MYO1B: variants seen among roughly 807,000 people sequenced by gnomAD.
MYO1B encodes myosin IB, also known as unconventional myosin-Ib.
In MYO1B, 72 loss-of-function variants were observed where a neutral mutation model predicts 159.7. The observed-to-expected ratio is 0.45, with a 90% CI of 0.37 to 0.55. The LOEUF (loss-of-function observed/expected upper bound fraction) is 0.55, where lower values mean the gene tolerates loss of function less well. Among genes scored for constraint, MYO1B ranks in the 20% least tolerant of loss-of-function variants. The probability of loss-of-function intolerance (pLI) is 0.00; values close to 1 mark genes in which losing one functional copy is unlikely to be tolerated. For missense variants in MYO1B, 1,062 were observed against 1,364.8 expected (o/e 0.78, Z 3.50); for synonymous variants, 468 against 473.8 (o/e 0.99, Z 0.16).
chr2:191,334,412 T>C (rs1033667442), intron 4 of MYO1B, among the ~76,000 whole-genome samples: 10 of 152,206 alleles, frequency 6.6e-5, no homozygotes, highest in African/African-American at 2.4e-4. Context: ...TTTCAGAGGA[T>C]TGGCATCCAT....
At position 191,390,275 on chromosome 2, in the gene MYO1B, T is replaced by G. The variant is rs1382282818; in HGVS notation, c.1782-17T>G. ...ATAGGAGGCAGTTTATAACCTAAAA[T>G]CTTTGTGATCTTTAAGGTGTATCAA... On this transcript the variant is annotated splice_polypyrimidine_tract_variant and intron_variant, in intron 17 of 30. Transcript: ENST00000392318. The G allele has an allele frequency of 6.2e-7, 1 of 1,602,718 alleles. No individual in the cohort carries two copies. Among genetic ancestry groups the G allele is most frequent in the Non-Finnish European group, 8.5e-7 (1 of 1,172,366 alleles).
At chr2:191,273,558 G>T (rs1483583322) in intron 1 of MYO1B, among the ~76,000 whole-genome samples, 1 of 152,196 alleles carries the variant, frequency 6.6e-6, no homozygotes, top group East Asian at 1.9e-4. Context: ...CAGAGACAGA[G>T]AACCTTTGTC....
At chr2:191,417,270 G>A (rs1265807512) in intron 30 of MYO1B, among the ~76,000 whole-genome samples, 1 of 152,162 alleles carries the variant, frequency 6.6e-6, no homozygotes, top group Non-Finnish European at 1.5e-5. Flanking sequence ...TTAGATTTGG[G>A]TGGGAGGTTG....
At chr2:191,257,950 T>C (rs111332724) in intron 1 of MYO1B, among the ~76,000 whole-genome samples, 299 of 152,340 alleles carry the variant, frequency 2.0e-3, no homozygotes, top group African/African-American at 7.1e-3. Context: ...TTTAAGGAAG[T>C]CTGGGACAAT....
intron 11 of MYO1B, among the ~76,000 whole-genome samples, chr2:191,366,050 T>C (rs1456151422): frequency 6.6e-6 from 1 of 152,202 alleles, no homozygotes; most frequent in East Asian, 1.9e-4. Context: ...CTGCTGCTGC[T>C]GCTGGTCCAG....
At chr2:191,332,101 T>TA (rs1691520033) in intron 4 of MYO1B, among the ~76,000 whole-genome samples, 2 of 152,294 alleles carry the variant, frequency 1.3e-5, no homozygotes, top group African/African-American at 4.8e-5. Context: ...TAGCTGGGAT[T>TA]ACAGGTGCCC....
intron 1 of MYO1B, among the ~76,000 whole-genome samples, chr2:191,246,916 ACT>A (rs566774525): frequency 1.4e-4 from 21 of 152,048 alleles, no homozygotes; most frequent in African/African-American, 4.1e-4. Flanking sequence ...CTGTGCTTTC[ACT>A]CTCTGTGTGA....
chr2:191,261,245 A>G (rs1686792169), intron 1 of MYO1B, among the ~76,000 whole-genome samples: 1 of 152,140 alleles, frequency 6.6e-6, no homozygotes, highest in Non-Finnish European at 1.5e-5. Context: ...ATGATTTTAA[A>G]CATGTGTGCC....
At chr2:191,305,416 G>A (rs182256008) in intron 3 of MYO1B, among the ~76,000 whole-genome samples, 1 of 152,316 alleles carries the variant, frequency 6.6e-6, no homozygotes, top group African/African-American at 2.4e-5. Context: ...TGGTGATGGG[G>A]CCACCACAGG....
At chr2:191,272,846 G>A (rs1574310119) in intron 1 of MYO1B, among the ~76,000 whole-genome samples, 1 of 152,258 alleles carries the variant, frequency 6.6e-6, no homozygotes, top group East Asian at 1.9e-4. Context: ...CAAGACAGCA[G>A]GTCCTCATGC....
chr2:191,350,929 C>T (rs747329741), intron 7 of MYO1B, among the ~76,000 whole-genome samples: 1 of 152,048 alleles, frequency 6.6e-6, no homozygotes, highest in Non-Finnish European at 1.5e-5. Flanking sequence ...GTAAAAATGA[C>T]AGTGCTGTCA....
Position 191,372,366 on chromosome 2 carries a change from C to T in MYO1B, c.1185+2074C>T, listed in dbSNP as rs577549895. On this transcript the variant is annotated intron_variant, in intron 13 of 30. Transcript: ENST00000392318. ...GGGATATCTAGTTAACTTTGACTTC[C>T]AGTAGGTCCTAAGATCTAATTAGCC... is the stretch of plus-strand genomic sequence containing the variant. Among the ~76,000 whole-genome samples, 14 of 152,294 alleles carry T rather than the reference C, an allele frequency of 9.2e-5. No individual in the cohort carries two copies. In the South Asian group the frequency reaches 1.9e-3, roughly 20 times the overall value.
intron 30 of MYO1B, among the ~76,000 whole-genome samples, chr2:191,421,540 C>T (rs1697942895): frequency 6.6e-6 from 1 of 151,786 alleles, no homozygotes; most frequent in Admixed American, 6.6e-5. Flanking sequence ...TGGTGTGATC[C>T]CGGCTCAATG....
chr2:191,332,893 T>C (rs1201989649), intron 4 of MYO1B, among the ~76,000 whole-genome samples: 1 of 152,216 alleles, frequency 6.6e-6, no homozygotes, highest in Non-Finnish European at 1.5e-5. Flanking sequence ...GCCTCCCATG[T>C]CTTCTTAAGG....
chr2:191,334,545 A>T (rs777222625), intron 4 of MYO1B, among the ~76,000 whole-genome samples: 1 of 152,008 alleles, frequency 6.6e-6, no homozygotes, highest in Admixed American at 6.6e-5. Flanking sequence ...AATTTGTTCT[A>T]TTGGTTTCAG....
At chr2:191,318,755 A>C (rs1007024155) in intron 3 of MYO1B, among the ~76,000 whole-genome samples, 1 of 152,240 alleles carries the variant, frequency 6.6e-6, no homozygotes, top group East Asian at 1.9e-4. Flanking sequence ...GACATGACTT[A>C]AAACACTTGA....
At chr2:191,389,334 C>T (rs1695598690) in intron 17 of MYO1B, among the ~76,000 whole-genome samples, 1 of 152,208 alleles carries the variant, frequency 6.6e-6, no homozygotes, top group Admixed American at 6.5e-5. Context: ...GGGATTGCTG[C>T]AGTATGATCC....
At chr2:191,338,587 A>G (rs1234296642) in intron 4 of MYO1B, among the ~76,000 whole-genome samples, 1 of 152,132 alleles carries the variant, frequency 6.6e-6, no homozygotes, top group Non-Finnish European at 1.5e-5. Flanking sequence ...GGTCTCTGAG[A>G]GGTCAAATCA....
At chr2:191,263,329 T>C (rs1686937608) in intron 1 of MYO1B, 2 of 985,066 alleles carry the variant, frequency 2.0e-6, no homozygotes, top group Non-Finnish European at 2.4e-6. Context: ...CTCTTTCATA[T>C]GAACTGAAGG....
Sources: gnomAD v4.1 joint callset for allele counts (sites outside exome capture counted in the v4.1 genomes callset) on GRCh38, gnomAD v4.1.1 for gene constraint, MANE v1.5 for transcripts, NCBI Gene and HGNC (gene_info 2026-07-23, HGNC 2026-07-21) for gene names.